ZC3H18: variants seen among roughly 807,000 people sequenced by gnomAD.
ZC3H18 encodes zinc finger CCCH-type containing 18.
A neutral mutation model predicts 106.1 loss-of-function variants in ZC3H18; 8 were observed. That is an observed-to-expected ratio of 0.08 (90% CI 0.04 to 0.14). ZC3H18 has a LOEUF of 0.14. Among genes scored for constraint, ZC3H18 ranks in the 10% least tolerant of loss-of-function variants. ZC3H18 has a pLI of 1.00. For missense variants in ZC3H18, 1,318 were observed against 1,278.4 expected, an observed-to-expected ratio of 1.03 and a Z score of -0.47; for synonymous variants, 635 against 522.1, an observed-to-expected ratio of 1.22 and a Z score of -2.95.
chr16:88,585,239 TATAAA>T (rs887073683), intron 2 of ZC3H18, among the ~76,000 whole-genome samples: 4 of 152,374 alleles, frequency 2.6e-5, no homozygotes, highest in African/African-American at 9.6e-5. Flanking sequence ...TTCTTTTCCT[TATAAA>T]ATACTTTTTA....
rs910727519 is a variant in ZC3H18 at position 88,627,796 on chromosome 16, C to T, written c.2269+14C>T. ...GGAAGGAGAAAGGTACTCAGGAGCC[C>T]TGGTACCTTTGGGGAGCAGCTCCCG... is the stretch of plus-strand genomic sequence containing the variant. On this transcript the variant is annotated intron_variant, in intron 14 of 17. Coordinates refer to ENST00000301011, the MANE Select transcript of ZC3H18 (RefSeq NM_144604.4). The surrounding 1 kb of genome is among the most constrained non-coding windows in gnomAD (Gnocchi z 4.5). The T allele has an allele frequency of 7.5e-6, 12 of 1,609,898 alleles. No individual in the cohort carries two copies. The highest frequency in any genetic ancestry group is 4.0e-5 in the African/African-American group (3 of 74,872).
At position 88,624,736 on chromosome 16, in the gene ZC3H18, C is replaced by A. The variant is rs761099450; in HGVS notation, c.2033C>A (p.Pro678His). ...ARRKERPART[P>H]PRRRTLSGSG... is the part of the protein sequence containing the mutation. ...AGGAAGGAGCGGCCAGCCAGGACCC[C>A]CCCCAGGAGGTGAGCACTCCGGCGT... The change falls in exon 12 of 18, where the codon CCC becomes CAC. Residue 678 changes from proline to histidine, a missense_variant. Pro to His is a moderately conservative substitution (Grantham distance 77, BLOSUM62 -2). This residue lies in a region of ZC3H18 where 848 missense variants were observed against 821.7 expected (regional missense o/e 1.03). Coordinates refer to ENST00000301011, the MANE Select transcript of ZC3H18 (RefSeq NM_144604.4). The A allele has an allele frequency of 6.2e-7, 1 of 1,612,364 alleles. No homozygotes were observed. Among genetic ancestry groups the A allele is most frequent in the Non-Finnish European group, 8.5e-7 (1 of 1,179,564 alleles).
intron 1 of ZC3H18, among the ~76,000 whole-genome samples, chr16:88,572,788 C>T (rs1914492981): frequency 6.6e-6 from 1 of 151,910 alleles, no homozygotes; most frequent in Non-Finnish European, 1.5e-5. Flanking sequence ...AACGGAGTCT[C>T]ACTCTGCTAC....
chr16:88,614,373 G>T (rs944402737), intron 8 of ZC3H18, among the ~76,000 whole-genome samples: 2 of 152,216 alleles, frequency 1.3e-5, no homozygotes, highest in Admixed American at 1.3e-4. Flanking sequence ...CATCTTGTCC[G>T]TGTGGCTGGA....
At chr16:88,580,156 CTG>C (rs56406234) in intron 2 of ZC3H18, among the ~76,000 whole-genome samples, 4,014 of 126,862 alleles carry the variant, frequency 0.032, 62 homozygotes, top group South Asian at 0.079. Context: ...ACAGGTTCAT[CTG>C]TGTGTGTGTG....
In ZC3H18 at chr16:88,608,916, T is replaced by C; in HGVS notation, c.1089-18T>C. The C allele has an allele frequency of 6.2e-7, 1 of 1,601,326 alleles. No individual in the cohort carries two copies. Among genetic ancestry groups the C allele is most frequent in the South Asian group, 1.1e-5 (1 of 89,598 alleles). On this transcript the variant is annotated intron_variant, in intron 6 of 17. Coordinates refer to ENST00000301011, the MANE Select transcript of ZC3H18 (RefSeq NM_144604.4). ...TGCTCCTAAGTGATGAGAGTTCTTT[T>C]TCATTGGCCCTTTTCAGACTCGAGC...
At chr16:88,626,535 G>A (rs932495378) in intron 13 of ZC3H18, 1 of 151,828 alleles carries the variant, frequency 6.6e-6, no homozygotes, top group Non-Finnish European at 1.5e-5. Flanking sequence ...TTTGTTTCTG[G>A]AGAGACATGG....
At chr16:88,619,315 G>C (rs562748760) in intron 8 of ZC3H18, among the ~76,000 whole-genome samples, 1 of 152,196 alleles carries the variant, frequency 6.6e-6, no homozygotes, top group South Asian at 2.1e-4. Context: ...CTGCATCCTG[G>C]TTAAAATCAG....
Position 88,624,649 on chromosome 16 carries a change from C to T in ZC3H18, c.1946C>T (p.Ala649Val). The change falls in exon 12 of 18, where the codon GCC becomes GTC. Residue 649 changes from alanine to valine, a missense_variant. By Grantham distance (64) the Ala-to-Val change is moderately conservative. Coordinates refer to ENST00000301011, the MANE Select transcript of ZC3H18 (RefSeq NM_144604.4). The stretch of plus-strand genomic sequence containing the variant: ...GCCCCGCCTCCAGCCCCACCACAGG[C>T]CACCAAAACCACTGCTCCTGTCCCC... ...KPAPPPAPPQ[A>V]TKTTAPVPEP... 6.2e-7 allele frequency: 1 copy of T among 1,614,020 alleles called. No individual in the cohort carries two copies.
chr16:88,627,436 G>A lies in ZC3H18; in HGVS notation c.2109-186G>A. The A allele has an allele frequency of 1.4e-6, 1 of 692,350 alleles. No individual in the cohort carries two copies. The highest frequency in any genetic ancestry group is 3.3e-5 in the Admixed American group (1 of 29,872). 42.9% of individuals were successfully genotyped at this position (692,350 alleles called of 1,614,324 possible). On this transcript the variant is annotated intron_variant, in intron 13 of 17. Transcript: ENST00000301011. The surrounding 1 kb of genome is among the most constrained non-coding windows in gnomAD (Gnocchi z 4.5). Reference sequence around the variant, plus strand: ...ACATTGATTAGTGAAATGGGGCCCTGGCCTAGCCATGGGGACGTCCCTTAC... The same window carrying A: ...ACATTGATTAGTGAAATGGGGCCCTAGCCTAGCCATGGGGACGTCCCTTAC...
chr16:88,620,924 G>A (rs1905917699), intron 8 of ZC3H18, among the ~76,000 whole-genome samples: 1 of 152,210 alleles, frequency 6.6e-6, no homozygotes, highest in Admixed American at 6.5e-5. Context: ...GGAGTGCAGT[G>A]GCGCAGTCTC....
intron 2 of ZC3H18, among the ~76,000 whole-genome samples, chr16:88,581,212 G>T (rs1915108794): frequency 6.6e-6 from 1 of 152,172 alleles, no homozygotes; most frequent in African/African-American, 2.4e-5. Flanking sequence ...ATGTTGCCCA[G>T]GCTGGTCTTG....
At chr16:88,615,127 C>T (rs1471003718) in intron 8 of ZC3H18, among the ~76,000 whole-genome samples, 4 of 148,010 alleles carry the variant, frequency 2.7e-5, no homozygotes, top group African/African-American at 1.0e-4. Context: ...GCTCCGTTCC[C>T]TCTGCCTGGA....
intron 1 of ZC3H18, among the ~76,000 whole-genome samples, chr16:88,573,496 C>T (rs1011458609): frequency 1.3e-5 from 2 of 152,146 alleles, no homozygotes; most frequent in Middle Eastern, 3.4e-3. Flanking sequence ...TGCAGAAATG[C>T]TCTGTGCATC....
chr16:88,621,418 G>A (rs1204998264), intron 8 of ZC3H18, among the ~76,000 whole-genome samples: 9 of 152,200 alleles, frequency 5.9e-5, no homozygotes, highest in Middle Eastern at 3.4e-3. Context: ...TAGAGATGGG[G>A]TTTCACCATG....
chr16:88,571,666 C>T, intron 1 of ZC3H18: 1 of 985,404 alleles, frequency 1.0e-6, no homozygotes, highest in Non-Finnish European at 1.2e-6. Context: ...CTCCAGAAAG[C>T]AAACAGGTAA....
chr16:88,603,619 G>A (rs60245329), intron 6 of ZC3H18, among the ~76,000 whole-genome samples: 123,658 of 144,930 alleles, frequency 0.85, 53,055 homozygotes, highest in Admixed American at 0.91. Context: ...GCGAGACTCC[G>A]TCTCTTTTTT....
At chr16:88,575,214 T>C (rs568582709) in intron 1 of ZC3H18, among the ~76,000 whole-genome samples, 23 of 152,116 alleles carry the variant, frequency 1.5e-4, no homozygotes, top group African/African-American at 5.5e-4. Context: ...TTCTTGATAC[T>C]GTGCATCTTT....
At chr16:88,623,143 G>A in intron 9 of ZC3H18, 76 bp from the exon 10 acceptor site, 2 of 1,556,914 alleles carry the variant, frequency 1.3e-6, no homozygotes, top group Admixed American at 1.9e-5. Context: ...GTGTAGCTGT[G>A]CATGTGTGCG....
Sources: allele counts gnomAD v4.1 joint callset (sites outside exome capture counted in the v4.1 genomes callset), GRCh38; gene constraint gnomAD v4.1.1; regional missense constraint gnomAD v4.1.1; non-coding constraint Gnocchi (gnomAD v3.1); transcripts MANE v1.5; gene names NCBI Gene and HGNC (gene_info 2026-07-23, HGNC 2026-07-21).